The following GULP1 variants were observed in gnomAD, a reference collection of about 807,000 sequenced individuals.
GULP1 encodes the protein PTB domain-containing engulfment adapter protein 1.
In GULP1, 19 loss-of-function variants were observed where a neutral mutation model predicts 40.9. That is an observed-to-expected ratio of 0.46 (90% CI 0.32 to 0.68). GULP1 has a LOEUF of 0.68. Among genes scored for constraint, GULP1 ranks in the 30% least tolerant of loss-of-function variants. The pLI is 0.03. For synonymous variants in GULP1, 119 were observed against 117.6 expected (o/e 1.01, Z -0.08); for missense variants, 312 against 362.2 (o/e 0.86, Z 1.12).
rs2152953028 is a variant in GULP1, at chr2:188,458,816, T to G, written c.-44-18843T>G. Among the ~76,000 whole-genome samples, 2 of 152,118 alleles carry G rather than the reference T, an allele frequency of 1.3e-5. 1 individual carries two copies. Among genetic ancestry groups the G allele is most frequent in the South Asian group, 4.2e-4 (2 of 4,814 alleles). On this transcript the variant is annotated intron_variant, in intron 2 of 11. Transcript: ENST00000409830. ...TTTGTACCTGTTAACTCTCTCCATC[T>G]CCCTCACAGCACTCCACCCCCATCC...
At chr2:188,297,144 G>T (rs1294627275) in intron 1 of GULP1, among the ~76,000 whole-genome samples, 1 of 151,710 alleles carries the variant, frequency 6.6e-6, no homozygotes, top group African/African-American at 2.4e-5. Context: ...AGAAATCCTA[G>T]AAATCCTTTT....
intron 5 of GULP1, among the ~76,000 whole-genome samples, chr2:188,525,131 A>G (rs1213406279): frequency 6.6e-6 from 1 of 151,958 alleles, no homozygotes; most frequent in Non-Finnish European, 1.5e-5. Flanking sequence ...TCCTTTATAA[A>G]TATAATTATT....
intron 9 of GULP1, among the ~76,000 whole-genome samples, chr2:188,582,955 G>T (rs186644914): frequency 6.6e-6 from 1 of 152,252 alleles, no homozygotes; most frequent in Non-Finnish European, 1.5e-5. Context: ...GCTTAGCCTT[G>T]AAGGAAAAAG....
intron 2 of GULP1, among the ~76,000 whole-genome samples, chr2:188,410,371 G>C (rs558637443): frequency 1.3e-5 from 2 of 152,074 alleles, no homozygotes; most frequent in African/African-American, 4.8e-5. Context: ...AAGGCTTCTG[G>C]ATAGCCAAGG....
chr2:188,319,865 T>C (rs1246592987), intron 1 of GULP1, among the ~76,000 whole-genome samples: 1 of 152,164 alleles, frequency 6.6e-6, no homozygotes, highest in Non-Finnish European at 1.5e-5. Flanking sequence ...CTTTTTACTT[T>C]CTTCTATCAT....
At chr2:188,404,571 A>G (rs1331643179) in intron 2 of GULP1, among the ~76,000 whole-genome samples, 3 of 152,282 alleles carry the variant, frequency 2.0e-5, no homozygotes, top group East Asian at 3.9e-4. Context: ...CTGCAGAGTG[A>G]GTCACAAGGC....
At chr2:188,302,835 A>G (rs954151153) in intron 1 of GULP1, among the ~76,000 whole-genome samples, 1 of 152,146 alleles carries the variant, frequency 6.6e-6, no homozygotes, top group Non-Finnish European at 1.5e-5. Flanking sequence ...CATTTCCCAG[A>G]TGATATCTCA....
intron 2 of GULP1, among the ~76,000 whole-genome samples, chr2:188,471,464 T>C (rs962815794): frequency 6.6e-6 from 1 of 152,158 alleles, no homozygotes; most frequent in African/African-American, 2.4e-5. Context: ...CCTCCTGTCT[T>C]CCTTTTATTG....
intron 1 of GULP1, among the ~76,000 whole-genome samples, chr2:188,378,278 G>GAA (rs71723258): frequency 3.1e-5 from 3 of 95,536 alleles, no homozygotes; most frequent in South Asian, 3.2e-4. Flanking sequence ...TCTCTATATA[G>GAA]AAAAAAAAAA....
intron 1 of GULP1, among the ~76,000 whole-genome samples, chr2:188,299,028 G>C (rs191835200): frequency 1.3e-5 from 2 of 152,298 alleles, no homozygotes; most frequent in Non-Finnish European, 2.9e-5. Flanking sequence ...TATTGGGTAG[G>C]GTTGGACCGC....
intron 4 of GULP1, among the ~76,000 whole-genome samples, chr2:188,485,234 C>T (rs1471926491): frequency 3.9e-5 from 6 of 152,060 alleles, no homozygotes; most frequent in South Asian, 2.1e-4. Flanking sequence ...CCTTTAACTC[C>T]GCCAATCATT....
chr2:188,454,716 A>C (rs1435095251), intron 2 of GULP1, among the ~76,000 whole-genome samples: 1 of 152,238 alleles, frequency 6.6e-6, no homozygotes, highest in Non-Finnish European at 1.5e-5. Flanking sequence ...AAATGAATAA[A>C]GAGGATCAGT....
At chr2:188,356,384 A>G (rs1171860392) in intron 1 of GULP1, among the ~76,000 whole-genome samples, 1 of 152,110 alleles carries the variant, frequency 6.6e-6, no homozygotes, top group Non-Finnish European at 1.5e-5. Context: ...TAGTGTTTCT[A>G]TACACCAACA....
At chr2:188,386,727 T>C (rs1267698081) in intron 2 of GULP1, among the ~76,000 whole-genome samples, 1 of 152,164 alleles carries the variant, frequency 6.6e-6, no homozygotes, top group Non-Finnish European at 1.5e-5. Flanking sequence ...CGGTAGAAGG[T>C]AGTAACAAGT....
intron 4 of GULP1, among the ~76,000 whole-genome samples, chr2:188,489,418 G>A (rs371563928): frequency 4.3e-4 from 65 of 151,944 alleles, no homozygotes; most frequent in African/African-American, 1.3e-3. Context: ...TCATTTATCC[G>A]AAAATGAGTC....
At chr2:188,438,137 T>A (rs2057583884) in intron 2 of GULP1, among the ~76,000 whole-genome samples, 1 of 152,082 alleles carries the variant, frequency 6.6e-6, no homozygotes, top group Non-Finnish European at 1.5e-5. Flanking sequence ...GGAGTTCTAA[T>A]ATATACTTCT....
At chr2:188,524,574 A>T (rs1331820241) in intron 5 of GULP1, among the ~76,000 whole-genome samples, 1 of 151,096 alleles carries the variant, frequency 6.6e-6, no homozygotes, top group Non-Finnish European at 1.5e-5. Context: ...TGAATAAAAC[A>T]ATGCTTTTTA....
chr2:188,553,195 C>T (rs923550030), intron 7 of GULP1, among the ~76,000 whole-genome samples: 3 of 151,788 alleles, frequency 2.0e-5, no homozygotes, highest in Non-Finnish European at 2.9e-5. Context: ...TTTGATTGCC[C>T]TGGGTGGACT....
At chr2:188,336,311 T>C (rs1157871087) in intron 1 of GULP1, among the ~76,000 whole-genome samples, 6 of 152,218 alleles carry the variant, frequency 3.9e-5, no homozygotes, top group Non-Finnish European at 8.8e-5. Flanking sequence ...TGTGTGATTA[T>C]ATACAAATCA....
Sources: allele counts gnomAD v4.1 joint callset (sites outside exome capture counted in the v4.1 genomes callset), GRCh38; gene constraint gnomAD v4.1.1; transcripts MANE v1.5; gene names NCBI Gene and HGNC (gene_info 2026-07-23, HGNC 2026-07-21).